Variants in DPP10 observed in about 807,000 individuals in gnomAD.
The protein encoded by DPP10 is inactive dipeptidyl peptidase 10.
DPP10 carries 33 observed loss-of-function variants against 120.9 expected under a neutral mutation model. The observed-to-expected ratio is 0.27, with a 90% CI of 0.21 to 0.37. DPP10 has a LOEUF of 0.37. DPP10 is among the 10% of genes least tolerant of loss of function. The pLI, the probability that DPP10 is intolerant of heterozygous loss-of-function variation, is 1.00. For synonymous variants in DPP10, 337 were observed against 326.1 expected, an observed-to-expected ratio of 1.03 and a Z score of -0.36; for missense variants, 816 against 942.8, an observed-to-expected ratio of 0.87 and a Z score of 1.76.
intron 1 of DPP10, among the ~76,000 whole-genome samples, chr2:114,806,518 T>C (rs1256288399): frequency 3.3e-5 from 5 of 152,238 alleles, no homozygotes; most frequent in African/African-American, 7.2e-5. Flanking sequence ...TTTCTTTTCA[T>C]TATATTGCTT....
chr2:115,481,127 A>T (rs1001865721), intron 3 of DPP10, among the ~76,000 whole-genome samples: 3 of 152,164 alleles, frequency 2.0e-5, no homozygotes, highest in Non-Finnish European at 4.4e-5. Context: ...ATGAAAATAT[A>T]TGTTCAAAAG....
At chr2:115,692,183 C>A (rs1331738657) in intron 7 of DPP10, among the ~76,000 whole-genome samples, 2 of 144,154 alleles carry the variant, frequency 1.4e-5, no homozygotes, top group African/African-American at 5.1e-5. Context: ...AAAATTGATT[C>A]TATTATGGTT....
intron 1 of DPP10, among the ~76,000 whole-genome samples, chr2:114,565,351 G>C (rs1006163550): frequency 3.3e-5 from 5 of 152,224 alleles, no homozygotes; most frequent in Admixed American, 3.3e-4. Flanking sequence ...AAGTGGGAAA[G>C]AATGGAGTAA....
At chr2:115,602,149 A>C (rs1335245934) in intron 5 of DPP10, among the ~76,000 whole-genome samples, 3 of 152,240 alleles carry the variant, frequency 2.0e-5, no homozygotes, top group African/African-American at 7.2e-5. Flanking sequence ...TCTCTAAGTA[A>C]AATTCTGTTT....
chr2:114,541,073 A>T (rs1042941372), intron 1 of DPP10, among the ~76,000 whole-genome samples: 15 of 152,326 alleles, frequency 9.8e-5, no homozygotes, highest in African/African-American at 3.6e-4. Flanking sequence ...ATGAGAACTC[A>T]TAACTTTCTT....
At chr2:115,448,274 T>C (rs897153967) in intron 3 of DPP10, among the ~76,000 whole-genome samples, 4 of 152,122 alleles carry the variant, frequency 2.6e-5, no homozygotes, top group Admixed American at 1.3e-4. Context: ...CTAAAAAGAA[T>C]TGGGTTCTAT....
At chr2:115,822,477 T>C (rs930814251) in intron 21 of DPP10, among the ~76,000 whole-genome samples, 1 of 151,988 alleles carries the variant, frequency 6.6e-6, no homozygotes, top group African/African-American at 2.4e-5. Flanking sequence ...GTATCTTTTC[T>C]AAAAAGAAAA....
At chr2:114,844,196 T>C (rs1037067620) in intron 1 of DPP10, among the ~76,000 whole-genome samples, 7 of 152,112 alleles carry the variant, frequency 4.6e-5, no homozygotes, top group Non-Finnish European at 1.0e-4. Context: ...CTACCCCTGG[T>C]ATTCTGTGCA....
At chr2:115,349,940 T>A (rs544532970) in intron 3 of DPP10, among the ~76,000 whole-genome samples, 1 of 152,228 alleles carries the variant, frequency 6.6e-6, no homozygotes, top group Non-Finnish European at 1.5e-5. Flanking sequence ...TTTATCTTAT[T>A]TTGTATCTTC....
chr2:115,351,378 A>C (rs1283196539), intron 3 of DPP10, among the ~76,000 whole-genome samples: 1 of 152,008 alleles, frequency 6.6e-6, no homozygotes, highest in Non-Finnish European at 1.5e-5. Context: ...AAAGGTGGGG[A>C]GCGGAGGAGG....
chr2:115,263,184 CAT>C (rs961733286), intron 1 of DPP10, among the ~76,000 whole-genome samples: 34 of 152,180 alleles, frequency 2.2e-4, no homozygotes, highest in African/African-American at 4.6e-4. Context: ...GGATCACAAA[CAT>C]GTGTTTGTGT....
intron 1 of DPP10, among the ~76,000 whole-genome samples, chr2:115,125,664 CG>C (rs1219093294): frequency 6.6e-6 from 1 of 151,278 alleles, no homozygotes; most frequent in Non-Finnish European, 1.5e-5. Context: ...CGCCTCCTCC[CG>C]GGTTCACGCC....
intron 1 of DPP10, among the ~76,000 whole-genome samples, chr2:115,080,744 T>C (rs1167792559): frequency 1.3e-5 from 2 of 152,212 alleles, no homozygotes; most frequent in Non-Finnish European, 2.9e-5. Flanking sequence ...TCTTTATTGT[T>C]TCTTACACCT....
intron 1 of DPP10, among the ~76,000 whole-genome samples, chr2:114,609,941 C>T (rs1250805213): frequency 3.3e-5 from 5 of 152,192 alleles, no homozygotes; most frequent in Non-Finnish European, 5.9e-5. Flanking sequence ...ATGCCCTCAC[C>T]TCTCACGCAC....
chr2:115,813,357 C>A (rs572075361), intron 19 of DPP10, among the ~76,000 whole-genome samples: 1 of 152,142 alleles, frequency 6.6e-6, no homozygotes, highest in African/African-American at 2.4e-5. Context: ...TGCAGACGAC[C>A]GCCCTCTTTG....
At position 114,567,187 on chromosome 2, in the gene DPP10, G is replaced by A. The variant is rs181681446; in HGVS notation, c.60+124349G>A. ...GTATTTCTTATAAACACCCTTATGA[G>A]GCAGGTACAATTTTTTTGGCTTATC... On this transcript the variant is annotated intron_variant, in intron 1 of 25. Coordinates refer to ENST00000410059, the MANE Select transcript of DPP10 (RefSeq NM_020868.6). Among the ~76,000 whole-genome samples the A allele has an allele frequency of 1.9e-3, 283 of 152,204 alleles. 1 individual carries two copies. The highest frequency in any genetic ancestry group is 3.6e-3 in the Non-Finnish European group (243 of 68,026).
chr2:115,122,570 G>A (rs577879315), intron 1 of DPP10, among the ~76,000 whole-genome samples: 1 of 152,356 alleles, frequency 6.6e-6, no homozygotes, highest in South Asian at 2.1e-4. Context: ...TCCTGGCAAT[G>A]AGCCGAGACA....
At chr2:114,931,861 A>G (rs1696094029) in intron 1 of DPP10, among the ~76,000 whole-genome samples, 2 of 152,206 alleles carry the variant, frequency 1.3e-5, no homozygotes, top group African/African-American at 2.4e-5. Flanking sequence ...TCAAATAAAG[A>G]ACAAATAACT....
Position 115,138,433 on chromosome 2 carries a change from C to A in DPP10, c.61-170806C>A, listed in dbSNP as rs765706769. Among the ~76,000 whole-genome samples the A allele has an allele frequency of 8.0e-4, 121 of 152,082 alleles. 1 individual carries two copies. The highest frequency in any genetic ancestry group is 2.4e-4 in the Non-Finnish European group (16 of 68,006). Reference sequence around the variant, plus strand: ...TGGCATTTTGAAAATAAAATTAGGGCTGATTTGCATTTGTGTTGAAACAGT... The same window carrying A: ...TGGCATTTTGAAAATAAAATTAGGGATGATTTGCATTTGTGTTGAAACAGT... On this transcript the variant is annotated intron_variant, in intron 1 of 25. Coordinates refer to ENST00000410059, the MANE Select transcript of DPP10 (RefSeq NM_020868.6).
Sources: allele counts gnomAD v4.1 joint callset (sites outside exome capture counted in the v4.1 genomes callset), GRCh38; gene constraint gnomAD v4.1.1; transcripts MANE v1.5; gene names NCBI Gene and HGNC (gene_info 2026-07-23, HGNC 2026-07-21).